Variants in CFAP299 observed in about 807,000 individuals in gnomAD.
The protein encoded by CFAP299 is cilia- and flagella-associated protein 299.
Under a neutral mutation model 27.0 loss-of-function variants are expected in CFAP299, and 21 were observed. The ratio of observed to expected loss-of-function variants is 0.78; its 90% confidence interval spans 0.55 to 1.12. The LOEUF (loss-of-function observed/expected upper bound fraction) is 1.12, where lower values mean the gene tolerates loss of function less well. Among genes scored for constraint, CFAP299 ranks in the 50% most tolerant of loss-of-function variants. The probability of loss-of-function intolerance (pLI) is 0.00; values close to 1 mark genes in which losing one functional copy is unlikely to be tolerated. For synonymous variants in CFAP299, 104 were observed against 98.1 expected (o/e 1.06, Z -0.36); for missense variants, 310 against 276.6 (o/e 1.12, Z -0.86).
At chr4:80,572,506 A>ATTTTTT (rs1376714424) in intron 2 of CFAP299, among the ~76,000 whole-genome samples, 1 of 28,262 alleles carries the variant, frequency 3.5e-5, no homozygotes, top group South Asian at 1.4e-3. Flanking sequence ...ACTGGATCCC[A>ATTTTTT]GTTTTTTTTT....
intron 3 of CFAP299, among the ~76,000 whole-genome samples, chr4:80,724,030 A>C (rs1222476294): frequency 6.6e-6 from 1 of 152,098 alleles, no homozygotes; most frequent in Non-Finnish European, 1.5e-5. Flanking sequence ...ATTCCAGAAA[A>C]TATTATACTG....
chr4:80,371,548 T>C (rs999104100), intron 2 of CFAP299, among the ~76,000 whole-genome samples: 2 of 152,234 alleles, frequency 1.3e-5, no homozygotes, highest in East Asian at 3.8e-4. Flanking sequence ...CATATGAACA[T>C]AGGTTTTTAC....
At chr4:80,600,126 A>T (rs1222595123) in intron 3 of CFAP299, among the ~76,000 whole-genome samples, 1 of 152,094 alleles carries the variant, frequency 6.6e-6, no homozygotes. Flanking sequence ...CCACTGTATG[A>T]GGGTGATATT....
chr4:80,963,333 C>T (rs1029623471), intron 5 of CFAP299, among the ~76,000 whole-genome samples, 184 bp from the exon 6 acceptor site: 6 of 151,814 alleles, frequency 4.0e-5, no homozygotes, highest in African/African-American at 1.5e-4. Flanking sequence ...AATTCCAAAG[C>T]TCCTAATTGG....
chr4:80,701,196 G>A lies in CFAP299; in HGVS notation c.333+118013G>A, dbSNP rs1283691806. On this transcript the variant is annotated intron_variant, in intron 3 of 5. Transcript: ENST00000358105. ...GAGAACACAAATGGAAAAATCAAGA[G>A]CATAAAATAGTTGAGGATATGGTTT... Among the ~76,000 whole-genome samples the A allele has an allele frequency of 2.0e-5, 3 of 151,992 alleles. No homozygotes were observed. The South Asian group carries it at 6.2e-4, about 32-fold the overall frequency.
chr4:80,749,826 C>A (rs1724832630), intron 3 of CFAP299, among the ~76,000 whole-genome samples: 1 of 152,184 alleles, frequency 6.6e-6, no homozygotes, highest in African/African-American at 2.4e-5. Flanking sequence ...AGTGAGTCTG[C>A]CTCTCCCAGT....
rs879585582 is a variant in CFAP299, at chr4:80,720,192, A to AC, written c.333+137016dup. Reference sequence around the variant, plus strand: ...AAAAAGCAGCAGAGATCTAAAGAGGACCCCCCCTCAAGAACTGAGCTGAGT... The same window carrying AC: ...AAAAAGCAGCAGAGATCTAAAGAGGACCCCCCCCTCAAGAACTGAGCTGAGT... On this transcript the variant is annotated intron_variant, in intron 3 of 5. Coordinates refer to ENST00000358105, the MANE Select transcript of CFAP299 (RefSeq NM_152770.3). Among the ~76,000 whole-genome samples, 238 of 151,826 alleles carry AC rather than the reference A, an allele frequency of 1.6e-3. 3 individuals are homozygous for AC. The highest frequency in any genetic ancestry group is 1.2e-3 in the East Asian group (6 of 5,142).
At chr4:80,571,640 T>C (rs923418834) in intron 2 of CFAP299, among the ~76,000 whole-genome samples, 3 of 151,870 alleles carry the variant, frequency 2.0e-5, no homozygotes, top group African/African-American at 7.3e-5. Flanking sequence ...CCAAATATCA[T>C]GGTATTTGGA....
chr4:80,604,039 A>G (rs1737506183), intron 3 of CFAP299, among the ~76,000 whole-genome samples: 1 of 152,216 alleles, frequency 6.6e-6, no homozygotes, highest in South Asian at 2.1e-4. Flanking sequence ...ACTGAAATTA[A>G]GAGATTTTAA....
intron 3 of CFAP299, among the ~76,000 whole-genome samples, chr4:80,853,668 T>C (rs545162715): frequency 2.0e-5 from 3 of 151,982 alleles, no homozygotes; most frequent in Non-Finnish European, 4.4e-5. Context: ...GTTGGAAAAA[T>C]ATGCAAGAAA....
At chr4:80,874,940 AATT>A (rs1463636500) in intron 4 of CFAP299, among the ~76,000 whole-genome samples, 1 of 152,214 alleles carries the variant, frequency 6.6e-6, no homozygotes, top group Non-Finnish European at 1.5e-5. Flanking sequence ...TCTTATTAGT[AATT>A]ATTATTTCAT....
At chr4:80,582,258 C>T (rs918274977) in intron 2 of CFAP299, among the ~76,000 whole-genome samples, 3 of 151,692 alleles carry the variant, frequency 2.0e-5, no homozygotes, top group Admixed American at 6.6e-5. Flanking sequence ...CTCTGATACT[C>T]GGTCTATATC....
chr4:80,378,929 G>C lies in CFAP299; in HGVS notation c.242+16045G>C, dbSNP rs1724558095. On this transcript the variant is annotated intron_variant, in intron 2 of 5. Transcript: ENST00000358105. Reference sequence around the variant, plus strand: ...TTAGTCTTTTTGTAAGGCCTTTTCTGATTTTCTATCAGTGTAATTCTGGCT... The same window carrying C: ...TTAGTCTTTTTGTAAGGCCTTTTCTCATTTTCTATCAGTGTAATTCTGGCT... Among the ~76,000 whole-genome samples, 3 of 151,804 alleles carry C rather than the reference G, an allele frequency of 2.0e-5. No individual in the cohort carries two copies. In the South Asian group the frequency reaches 6.2e-4, roughly 32 times the overall value.
chr4:80,495,993 G>C (rs150611173), intron 2 of CFAP299, among the ~76,000 whole-genome samples: 3 of 152,300 alleles, frequency 2.0e-5, no homozygotes, highest in African/African-American at 7.2e-5. Flanking sequence ...TGTCCTCTTA[G>C]GCCTCAAGGC....
At chr4:80,342,297 C>G (rs950636000) in intron 1 of CFAP299, among the ~76,000 whole-genome samples, 2 of 152,096 alleles carry the variant, frequency 1.3e-5, no homozygotes, top group Non-Finnish European at 2.9e-5. Context: ...GGCCAACATT[C>G]AGGTTCAGGA....
intron 2 of CFAP299, among the ~76,000 whole-genome samples, chr4:80,439,903 G>T (rs1360871702): frequency 6.6e-6 from 1 of 152,164 alleles, no homozygotes; most frequent in Non-Finnish European, 1.5e-5. Context: ...TGAGTAAGTG[G>T]TTTTCTTCTC....
rs192039438 is a variant in CFAP299 at position 80,408,332 on chromosome 4, T to C, written c.242+45448T>C. ...CAACTATTTTAAAAGTACTTTCTCA[T>C]TGTGCTCTTGATTTATGTTCCGAAT... On this transcript the variant is annotated intron_variant, in intron 2 of 5. Coordinates refer to ENST00000358105, the MANE Select transcript of CFAP299 (RefSeq NM_152770.3). Among the ~76,000 whole-genome samples the C allele has an allele frequency of 3.6e-3, 550 of 152,340 alleles. 2 individuals carry two copies. Among genetic ancestry groups the C allele is most frequent in the African/African-American group, 0.012 (517 of 41,586 alleles).
In CFAP299 at chr4:80,577,458, A is replaced by G. The variant is rs375752881; in HGVS notation, c.243-5635A>G. ...TCGCTCTGTTGCCAGGCTGGAGTGC[A>G]GTGGTATGATCTTGGTTCACTGCAA... On this transcript the variant is annotated intron_variant, in intron 2 of 5. Coordinates refer to ENST00000358105, the MANE Select transcript of CFAP299 (RefSeq NM_152770.3). 4.1e-4 allele frequency among the ~76,000 whole-genome samples: 49 copies of G among 120,636 alleles called. No homozygotes were observed. The East Asian group carries it at 0.011, about 26-fold the overall frequency. The allele number at this position is 120,636 out of a possible 152,430, so 79.1% of individuals were successfully genotyped here.
At chr4:80,452,462 G>C (rs1245683243) in intron 2 of CFAP299, among the ~76,000 whole-genome samples, 1 of 152,046 alleles carries the variant, frequency 6.6e-6, no homozygotes, top group African/African-American at 2.4e-5. Flanking sequence ...GCTCTCTTAG[G>C]TTTGCAAAGG....
Sources: gnomAD v4.1 joint callset for allele counts (sites outside exome capture counted in the v4.1 genomes callset) on GRCh38, gnomAD v4.1.1 for gene constraint, MANE v1.5 for transcripts, NCBI Gene and HGNC (gene_info 2026-07-23, HGNC 2026-07-21) for gene names.